Variants in ATXN7L1 observed in about 807,000 individuals in gnomAD.
The protein encoded by ATXN7L1 is ataxin 7 like 1, also known as ataxin-7-like protein 1.
In ATXN7L1, 15 loss-of-function variants were observed where a neutral mutation model predicts 70.8. That is an observed-to-expected ratio of 0.21 (90% CI 0.14 to 0.33). The LOEUF (loss-of-function observed/expected upper bound fraction) is 0.33. Ranked by LOEUF, ATXN7L1 falls within the 10% of genes least tolerant of loss-of-function variation. The pLI is 1.00. For missense variants in ATXN7L1, 975 were observed against 1,097.1 expected (o/e 0.89, Z 1.57); for synonymous variants, 440 against 445.1 (o/e 0.99, Z 0.14).
At chr7:105,622,789 C>T (rs1795123843) in intron 8 of ATXN7L1, among the ~76,000 whole-genome samples, 1 of 152,196 alleles carries the variant, frequency 6.6e-6, no homozygotes, top group South Asian at 2.1e-4. Flanking sequence ...CATAAGGCAA[C>T]ATCTTGGAAG....
In ATXN7L1 at chr7:105,760,428, A is replaced by G. The variant is rs180930367; in HGVS notation, c.355+28176T>C. 2.7e-4 allele frequency: 262 copies of G among 984,728 alleles called. 1 individual carries two copies. Among genetic ancestry groups the G allele is most frequent in the East Asian group, 2.3e-4 (2 of 8,814 alleles). The allele number at this position is 984,728 out of a possible 1,614,324, so 61.0% of individuals were successfully genotyped here. ...GCACAGCCAGCAGGTGGCAGGGTCT[A>G]GACATGAATTCAGGTTTTCATCCCA... On this transcript the variant is annotated intron_variant, in intron 3 of 11. Transcript: ENST00000419735.
intron 3 of ATXN7L1, among the ~76,000 whole-genome samples, chr7:105,726,527 T>C (rs778507929): frequency 2.6e-5 from 4 of 152,124 alleles, no homozygotes; most frequent in Non-Finnish European, 4.4e-5. Context: ...CCCCTCTGTC[T>C]CCTTAGTGCT....
chr7:105,733,585 T>A (rs1356951347), intron 3 of ATXN7L1, among the ~76,000 whole-genome samples: 1 of 111,750 alleles, frequency 8.9e-6, no homozygotes, highest in Admixed American at 9.2e-5. Flanking sequence ...CATCCACCCA[T>A]CCATCCATCC....
intron 3 of ATXN7L1, among the ~76,000 whole-genome samples, chr7:105,693,878 A>G (rs887834893): frequency 3.9e-5 from 6 of 152,170 alleles, no homozygotes; most frequent in Non-Finnish European, 8.8e-5. Flanking sequence ...AGTGAAATGC[A>G]GCAGTTGCCT....
intron 3 of ATXN7L1, among the ~76,000 whole-genome samples, chr7:105,702,728 C>A (rs1792616175): frequency 6.6e-6 from 1 of 152,160 alleles, no homozygotes; most frequent in Non-Finnish European, 1.5e-5. Flanking sequence ...GCCTGTAATC[C>A]CAGCACGTTG....
intron 2 of ATXN7L1, among the ~76,000 whole-genome samples, chr7:105,790,072 C>A (rs1329134368): frequency 6.6e-6 from 1 of 152,182 alleles, no homozygotes; most frequent in Non-Finnish European, 1.5e-5. Context: ...TATTGAATGA[C>A]CCCATTTATA....
chr7:105,812,736 C>T (rs899309625), intron 2 of ATXN7L1, among the ~76,000 whole-genome samples: 15 of 152,204 alleles, frequency 9.9e-5, no homozygotes, highest in African/African-American at 3.4e-4. Context: ...CATGGTGGCT[C>T]ACGCCTGTAA....
chr7:105,687,827 C>T (rs1439548627), intron 3 of ATXN7L1, among the ~76,000 whole-genome samples: 9 of 152,144 alleles, frequency 5.9e-5, no homozygotes, highest in Non-Finnish European at 1.0e-4. Context: ...CTTCAGCTAC[C>T]CGCAGAAGAG....
At chr7:105,710,097 G>A (rs937005324) in intron 3 of ATXN7L1, among the ~76,000 whole-genome samples, 12 of 152,242 alleles carry the variant, frequency 7.9e-5, no homozygotes, top group African/African-American at 2.9e-4. Flanking sequence ...TGATCCTTCT[G>A]CCTTGGCCTC....
At position 105,760,219 on chromosome 7, in the gene ATXN7L1, G is replaced by A. The variant is rs1205143718; in HGVS notation, c.355+28385C>T. The stretch of plus-strand genomic sequence containing the variant: ...CATCCAATAGATGTTTAATGACCCA[G>A]TGTGTCATGCACTGGGAAAAGTGAC... On this transcript the variant is annotated intron_variant, in intron 3 of 11. Transcript: ENST00000419735. The A allele has an allele frequency of 4.1e-6, 4 of 984,704 alleles. No individual in the cohort carries two copies. The East Asian group carries it at 4.5e-4, about 112-fold the overall frequency. 61.0% of individuals were successfully genotyped at this position (984,704 alleles called of 1,614,324 possible).
At chr7:105,865,552 C>A (rs1276860943) in intron 2 of ATXN7L1, among the ~76,000 whole-genome samples, 2 of 152,090 alleles carry the variant, frequency 1.3e-5, no homozygotes, top group East Asian at 1.9e-4. Context: ...CAGGCACGTG[C>A]CACCATACCC....
At chr7:105,717,210 C>A (rs1794672896) in intron 3 of ATXN7L1, among the ~76,000 whole-genome samples, 1 of 152,172 alleles carries the variant, frequency 6.6e-6, no homozygotes, top group Non-Finnish European at 1.5e-5. Context: ...TCACTGCAAC[C>A]TCCACCTCCT....
intron 2 of ATXN7L1, among the ~76,000 whole-genome samples, chr7:105,830,292 G>A (rs1811419171): frequency 6.6e-6 from 1 of 152,158 alleles, no homozygotes; most frequent in South Asian, 2.1e-4. Flanking sequence ...TTACTGACTC[G>A]GCTTTGCCTT....
chr7:105,693,886 C>A (rs1791367395), intron 3 of ATXN7L1, among the ~76,000 whole-genome samples: 1 of 152,096 alleles, frequency 6.6e-6, no homozygotes, highest in Non-Finnish European at 1.5e-5. Flanking sequence ...GCAGCAGTTG[C>A]CTGATACATC....
At chr7:105,619,161 T>TTTTTTTTTTTTTG (rs1794421546) in intron 9 of ATXN7L1, among the ~76,000 whole-genome samples, 1 of 134,532 alleles carries the variant, frequency 7.4e-6, no homozygotes, top group Non-Finnish European at 1.6e-5. Context: ...TTTTTTTTTT[T>TTTTTTTTTTTTTG]TTTTGAGACG....
chr7:105,713,453 G>C (rs963694871), intron 3 of ATXN7L1, among the ~76,000 whole-genome samples: 4 of 152,252 alleles, frequency 2.6e-5, no homozygotes, highest in Non-Finnish European at 5.9e-5. Context: ...AATAATGTGG[G>C]TGGAGTGGCC....
At chr7:105,678,092 CTTTTTT>C in intron 3 of ATXN7L1, 1 of 520,710 alleles carries the variant, frequency 1.9e-6, no homozygotes, top group Non-Finnish European at 2.4e-6. Context: ...CAGACACATA[CTTTTTT>C]TTTTTTTTTT....
chr7:105,678,653 C>T (rs1024835245), intron 3 of ATXN7L1, among the ~76,000 whole-genome samples: 3 of 152,162 alleles, frequency 2.0e-5, no homozygotes, highest in Admixed American at 6.5e-5. Flanking sequence ...AGATAATACA[C>T]GGACATAAAC....
rs770073423 is a variant in ATXN7L1, at chr7:105,788,666, T to C, written c.293A>G (p.Tyr98Cys). 69 of 1,613,856 alleles carry C rather than the reference T, an allele frequency of 4.3e-5. No individual in the cohort carries two copies. The South Asian group carries it at 4.7e-4, about 11-fold the overall frequency. Reference protein sequence around the residue: ...FGHYPAHDDFYLVVCSACNQV... With the variant: ...FGHYPAHDDFCLVVCSACNQV... ...GTTACAGGCACTGCACACTACGAGA[T>C]AGAAGTCGTCATGTGCTGGGTAATG... Residue 98 changes from tyrosine to cysteine, a missense_variant, in exon 3 of 12, where the codon TAT becomes TGT. This residue lies in a region of ATXN7L1 where 135 missense variants were observed against 132.6 expected (regional missense o/e 1.02). Coordinates refer to ENST00000419735, the MANE Select transcript of ATXN7L1 (RefSeq NM_020725.2).
Sources: allele counts gnomAD v4.1 joint callset (sites outside exome capture counted in the v4.1 genomes callset), GRCh38; gene constraint gnomAD v4.1.1; regional missense constraint gnomAD v4.1.1; transcripts MANE v1.5; gene names NCBI Gene and HGNC (gene_info 2026-07-23, HGNC 2026-07-21).